Variants in CHD2 observed in about 807,000 individuals in gnomAD.
CHD2 encodes ATP-dependent chromatin remodeler CHD2.
CHD2 carries 28 observed loss-of-function variants against 243.9 expected under a neutral mutation model. The observed-to-expected ratio is 0.11, with a 90% confidence interval of 0.09 to 0.16. CHD2 has a LOEUF of 0.16. Among genes scored for constraint, CHD2 ranks in the 10% least tolerant of loss-of-function variants. The pLI is 1.00. For synonymous variants in CHD2, 775 were observed against 779.0 expected (o/e 0.99, Z 0.09); for missense variants, 1,386 against 2,209.8 (o/e 0.63, Z 7.47).
In CHD2 at chr15:92,939,696, C is replaced by A; in HGVS notation, c.670C>A (p.Arg224=). 6.2e-7 allele frequency: 1 copy of A among 1,613,724 alleles called. No homozygotes were observed. Among genetic ancestry groups the A allele is most frequent in the Non-Finnish European group, 8.5e-7 (1 of 1,179,938 alleles). Reference sequence around the variant, plus strand: ...CGAAGCTCCCAAAAGGCAGACTCGTCGAAGAGCGGCTAAAAACGTTAGGTA... The same window carrying A: ...CGAAGCTCCCAAAAGGCAGACTCGTAGAAGAGCGGCTAAAAACGTTAGGTA... ...DDEAPKRQTR[R]RAAKNVSYKE... Residue 224 remains arginine, a synonymous_variant, in exon 7 of 39, where the codon CGA becomes AGA. Coordinates refer to ENST00000394196, the MANE Select transcript of CHD2 (RefSeq NM_001271.4).
At chr15:92,969,966 A>C (rs1262365064) in intron 17 of CHD2, among the ~76,000 whole-genome samples, 1 of 151,892 alleles carries the variant, frequency 6.6e-6, no homozygotes, top group Non-Finnish European at 1.5e-5. Flanking sequence ...CAAGAAGTGG[A>C]AAAGAGTTTT....
Position 93,009,426 on chromosome 15 carries a change from C to T in CHD2, c.4592+103C>T, listed in dbSNP as rs12900461. 974,888 of 1,171,684 alleles carry T rather than the reference C, an allele frequency of 0.83. 408,804 individuals carry two copies. The highest frequency in any genetic ancestry group is 1 in the East Asian group (39,233 of 39,298). The allele number at this position is 1,171,684 out of a possible 1,614,324, so 72.6% of individuals were successfully genotyped here. A position where few individuals can be genotyped will look rare whatever the true frequency, so the allele number is the denominator to read the frequency against. On this transcript the variant is annotated intron_variant, in intron 35 of 38. Transcript: ENST00000394196. ...TGGCATAGCCACCTAAGAAATCTTT[C>T]TCCCAGCACAACTCATCTATTGGCA...
intron 2 of CHD2, among the ~76,000 whole-genome samples, chr15:92,908,003 A>ATTTTTTT: frequency 9.3e-6 from 1 of 107,642 alleles, no homozygotes; most frequent in Non-Finnish European, 1.8e-5. Context: ...CTCTCTTAGA[A>ATTTTTTT]TTTTTTTTTT....
At chr15:92,991,134 T>C (rs1567154905) in intron 26 of CHD2, among the ~76,000 whole-genome samples, 1 of 151,406 alleles carries the variant, frequency 6.6e-6, no homozygotes. Context: ...GTCGTGATGA[T>C]TGAATCCTTT....
At chr15:93,010,173 G>A (rs1283784496) in intron 35 of CHD2, among the ~76,000 whole-genome samples, 1 of 152,090 alleles carries the variant, frequency 6.6e-6, no homozygotes, top group Non-Finnish European at 1.5e-5. Flanking sequence ...CCTTTTTATG[G>A]CTGAGTAGTA....
chr15:92,992,517 G>A (rs531807858), intron 27 of CHD2, among the ~76,000 whole-genome samples: 1 of 152,314 alleles, frequency 6.6e-6, no homozygotes, highest in Non-Finnish European at 1.5e-5. Context: ...CACAAAAGAA[G>A]CAAGCTAGTA....
rs2054597486 is a variant in CHD2, at chr15:93,027,741, G to A, written c.*3036G>A. On this transcript the variant is annotated 3_prime_UTR_variant, in exon 39 of 39. Transcript: ENST00000394196. ...CGTTGGGCGAGGGGAGCCATGCCAA[G>A]GGTCCAGGCTGCTTTAGGCCATCTG... The A allele has an allele frequency of 6.5e-6, 1 of 152,690 alleles. No homozygotes were observed. The highest frequency in any genetic ancestry group is 1.5e-5 in the Non-Finnish European group (1 of 68,064). The allele number at this position is 152,690 out of a possible 1,614,324, so 9.5% of individuals were successfully genotyped here.
intron 17 of CHD2, among the ~76,000 whole-genome samples, chr15:92,969,770 C>A (rs2141833502): frequency 6.6e-6 from 1 of 151,906 alleles, no homozygotes; most frequent in East Asian, 1.9e-4. Flanking sequence ...AAAGCTAATA[C>A]TACCACCAAC....
intron 13 of CHD2, among the ~76,000 whole-genome samples, chr15:92,951,042 A>G (rs2053547541): frequency 6.6e-6 from 1 of 152,200 alleles, no homozygotes; most frequent in Non-Finnish European, 1.5e-5. Flanking sequence ...TAAAAGTTAG[A>G]TGAACTTTAA....
At position 92,981,463 on chromosome 15, in the gene CHD2, A is replaced by C. The variant is rs774742808; in HGVS notation, c.3066+6A>C. 3 of 1,604,994 alleles carry C rather than the reference A, an allele frequency of 1.9e-6. No individual in the cohort carries two copies. The South Asian group carries it at 3.3e-5, about 18-fold the overall frequency. ...AACTTCTATCACAGTTTAAGGTATG[A>C]AGATCTTTGTGGGAGAGAGTTCTCA... On this transcript the variant is annotated splice_donor_region_variant and intron_variant, in intron 24 of 38. Coordinates refer to ENST00000394196, the MANE Select transcript of CHD2 (RefSeq NM_001271.4).
chr15:93,009,057 C>T, intron 34 of CHD2, 88 bp from the exon 35 acceptor site: 1 of 1,408,718 alleles, frequency 7.1e-7, no homozygotes, highest in Admixed American at 2.0e-5. Flanking sequence ...TAGGGGTGGG[C>T]TGTGTTTTCA....
rs375612058 is a variant in CHD2 at position 93,014,723 on chromosome 15, G to C, written c.4720G>C (p.Gly1574Arg). The change falls in exon 37 of 39, where the codon GGG becomes CGG. Residue 1574 changes from glycine (G) to arginine (R), a missense_variant. Physicochemically the swap from Gly to Arg is moderately radical, Grantham distance 125. Around this residue, in one of 19 missense-constraint regions of CHD2, gnomAD observed 347 missense variants for 341.6 expected, o/e 1.02. Coordinates refer to ENST00000394196, the MANE Select transcript of CHD2 (RefSeq NM_001271.4). ...GCAAAAGAAGAAAGACGACGTGACT[G>C]GGGGTAAGAAACCATTTCGTCCAGA... ...EEQKKKDDVT[G>R]GKKPFRPEAS... The C allele has an allele frequency of 5.6e-6, 9 of 1,614,028 alleles. No individual in the cohort carries two copies. Among genetic ancestry groups the C allele is most frequent in the East Asian group, 2.2e-5 (1 of 44,894 alleles).
At chr15:92,913,032 C>T (rs753935859) in intron 2 of CHD2, among the ~76,000 whole-genome samples, 5 of 152,206 alleles carry the variant, frequency 3.3e-5, no homozygotes, top group African/African-American at 4.8e-5. Flanking sequence ...TTTATATAGA[C>T]GTTTAAATCC....
At chr15:92,919,859 T>G in intron 2 of CHD2, among the ~76,000 whole-genome samples, 1 of 152,240 alleles carries the variant, frequency 6.6e-6, no homozygotes, top group Non-Finnish European at 1.5e-5. Context: ...GTGCTGTGAA[T>G]TCACTATTAA....
intron 33 of CHD2, among the ~76,000 whole-genome samples, chr15:93,002,658 C>T (rs1393124902): frequency 1.3e-5 from 2 of 152,082 alleles, no homozygotes; most frequent in Non-Finnish European, 2.9e-5. Flanking sequence ...GAGCACAATC[C>T]ACAACTGAAT....
At position 92,953,808 on chromosome 15, in the gene CHD2, G is replaced by A. The variant is rs35596808; in HGVS notation, c.1719+235G>A. On this transcript the variant is annotated intron_variant, in intron 14 of 38. Coordinates refer to ENST00000394196, the MANE Select transcript of CHD2 (RefSeq NM_001271.4). The stretch of plus-strand genomic sequence containing the variant: ...ATGTGAGTGGGAATCTCTTTTAGCT[G>A]GGTTGCAATATTAAATTTTTCTTCT... The A allele has an allele frequency of 0.2, 96,965 of 483,504 alleles. 11,325 individuals carry two copies. The highest frequency in any genetic ancestry group is 0.25 in the Non-Finnish European group (69,348 of 272,096). The allele number at this position is 483,504 out of a possible 1,614,324, so 30.0% of individuals were successfully genotyped here.
chr15:92,951,617 C>G (rs1452514608), intron 13 of CHD2, among the ~76,000 whole-genome samples: 2 of 152,148 alleles, frequency 1.3e-5, no homozygotes, highest in Non-Finnish European at 2.9e-5. Flanking sequence ...CAATTCAAAC[C>G]TACTGTAGTC....
intron 34 of CHD2, among the ~76,000 whole-genome samples, chr15:93,006,417 AC>A (rs1431893049): frequency 6.6e-6 from 1 of 151,838 alleles, no homozygotes; most frequent in Non-Finnish European, 1.5e-5. Flanking sequence ...GAGCCACCGC[AC>A]CCGGCCTTTT....
intron 17 of CHD2, among the ~76,000 whole-genome samples, chr15:92,969,352 C>T (rs1424405151): frequency 2.0e-5 from 3 of 152,230 alleles, no homozygotes; most frequent in South Asian, 2.1e-4. Context: ...CAGCGTTCCC[C>T]GCAATCCCTG....
Sources: gnomAD v4.1 joint callset for allele counts (sites outside exome capture counted in the v4.1 genomes callset) on GRCh38, gnomAD v4.1.1 for gene constraint, gnomAD v4.1.1 regional missense constraint, MANE v1.5 for transcripts, NCBI Gene and HGNC (gene_info 2026-07-23, HGNC 2026-07-21) for gene names.